Variants in WDR72 observed in about 807,000 individuals in gnomAD.
The protein encoded by WDR72 is WD repeat domain 72, also known as WD repeat-containing protein 72.
WDR72 carries 120 observed loss-of-function variants against 124.2 expected under a neutral mutation model. That is an observed-to-expected ratio of 0.97 (90% CI 0.83 to 1.12). WDR72 has a LOEUF of 1.12. WDR72 is among the 50% of genes most tolerant of loss of function. The pLI, the probability that WDR72 is intolerant of heterozygous loss-of-function variation, is 0.00. For synonymous variants in WDR72, 452 were observed against 441.7 expected (o/e 1.02, Z -0.29); for missense variants, 1,387 against 1,278.8 (o/e 1.08, Z -1.29).
intron 15 of WDR72, among the ~76,000 whole-genome samples, chr15:53,614,204 C>T (rs1325620597): frequency 3.3e-5 from 5 of 151,966 alleles, no homozygotes; most frequent in African/African-American, 1.2e-4. Context: ...AGGAATCTTC[C>T]GAAACTGCCA....
Position 53,516,254 on chromosome 15 carries a change from C to T in WDR72, c.*1445G>A, listed in dbSNP as rs1891455273. Reference sequence around the variant, plus strand: ...AACAAAGAATGCACACTTTAATCTACTTTAAGGGAGTCACACTCATTTGAC... The same window carrying T: ...AACAAAGAATGCACACTTTAATCTATTTTAAGGGAGTCACACTCATTTGAC... On this transcript the variant is annotated 3_prime_UTR_variant, in exon 20 of 20. Transcript: ENST00000360509. 1 of 152,072 alleles carries T rather than the reference C, an allele frequency of 6.6e-6. No homozygotes were observed. Among genetic ancestry groups the T allele is most frequent in the African/African-American group, 2.4e-5 (1 of 41,446 alleles). The allele number at this position is 152,072 out of a possible 1,614,324, so 9.4% of individuals were successfully genotyped here.
chr15:53,661,286 A>G (rs2015600615), intron 14 of WDR72, among the ~76,000 whole-genome samples: 2 of 152,202 alleles, frequency 1.3e-5, no homozygotes, highest in African/African-American at 4.8e-5. Context: ...AAGACAGGAC[A>G]TCTGGTGAAG....
chr15:53,749,098 A>G (rs1282856586), intron 1 of WDR72, among the ~76,000 whole-genome samples: 1 of 152,160 alleles, frequency 6.6e-6, no homozygotes, highest in East Asian at 1.9e-4. Context: ...TTAGAGCTCG[A>G]AGCCAAAATT....
chr15:53,640,366 T>C (rs142175443), intron 14 of WDR72, among the ~76,000 whole-genome samples: 364 of 152,290 alleles, frequency 2.4e-3, no homozygotes, highest in Non-Finnish European at 3.7e-3. Flanking sequence ...TGGGTCCTGA[T>C]ATGCTTGGAT....
chr15:53,706,344 GTGTGTGTATATA>G (rs1273017102), intron 9 of WDR72, among the ~76,000 whole-genome samples: 78 of 46,044 alleles, frequency 1.7e-3, no homozygotes, highest in African/African-American at 7.5e-3. Context: ...GTGTGTGTGT[GTGTGTGTATATA>G]TATATATATA....
chr15:53,625,923 G>C (rs374505914), intron 14 of WDR72, among the ~76,000 whole-genome samples: 36 of 152,102 alleles, frequency 2.4e-4, no homozygotes, highest in African/African-American at 8.4e-4. Context: ...TTTTCTCCCT[G>C]ATTCAGAAAA....
chr15:53,712,981 A>T (rs1322872229), intron 6 of WDR72, 90 bp from the exon 7 acceptor site: 8 of 1,450,044 alleles, frequency 5.5e-6, no homozygotes, highest in Non-Finnish European at 7.6e-6. Context: ...TCTCAAGTAG[A>T]TCACACCATT....
chr15:53,593,220 T>C (rs886570951), intron 18 of WDR72, among the ~76,000 whole-genome samples: 2 of 152,050 alleles, frequency 1.3e-5, no homozygotes, highest in East Asian at 3.9e-4. Context: ...AGAAGCATGA[T>C]TTATGAGAAA....
In WDR72 at chr15:53,666,881, TG is replaced by T. The variant is rs2015797478; in HGVS notation, c.1766-1114del. On this transcript the variant is annotated intron_variant, in intron 13 of 19. Transcript: ENST00000360509. ...TTATTACAACTAAACTACCATTAGC[TG>T]GCACTGTGGATTCTGAATCAGTAAC... Among the ~76,000 whole-genome samples, 8 of 152,340 alleles carry T rather than the reference TG, an allele frequency of 5.3e-5. No individual in the cohort carries two copies. The South Asian group carries it at 1.7e-3, about 32-fold the overall frequency.
intron 18 of WDR72, among the ~76,000 whole-genome samples, chr15:53,581,003 G>T (rs2011891393): frequency 6.6e-6 from 1 of 151,962 alleles, no homozygotes; most frequent in African/African-American, 2.4e-5. Flanking sequence ...AAATAATTGT[G>T]ATTAAAAATG....
intron 1 of WDR72, among the ~76,000 whole-genome samples, chr15:53,735,189 G>T (rs1484595454): frequency 1.3e-5 from 2 of 152,246 alleles, no homozygotes; most frequent in South Asian, 2.1e-4. Flanking sequence ...ACCTCGGGAG[G>T]CTGAGGTGGG....
At chr15:53,742,623 T>C (rs2018539184) in intron 1 of WDR72, among the ~76,000 whole-genome samples, 1 of 151,998 alleles carries the variant, frequency 6.6e-6, no homozygotes, top group African/African-American at 2.4e-5. Context: ...GAAAGAAATA[T>C]AGCATTACTT....
At chr15:53,523,192 CTT>C in intron 19 of WDR72, 24 bp downstream of exon 19, 2 of 1,603,902 alleles carry the variant, frequency 1.2e-6, no homozygotes, top group Non-Finnish European at 1.7e-6. Context: ...TCATTTTATA[CTT>C]GACTATTTTT....
chr15:53,758,902 A>G (rs1178219051), intron 1 of WDR72, among the ~76,000 whole-genome samples: 1 of 152,078 alleles, frequency 6.6e-6, no homozygotes, highest in African/African-American at 2.4e-5. Context: ...GGTATAAGTC[A>G]GCACCAGTTT....
At chr15:53,549,205 C>G (rs1182352978) in intron 18 of WDR72, among the ~76,000 whole-genome samples, 1 of 152,124 alleles carries the variant, frequency 6.6e-6, no homozygotes, top group Non-Finnish European at 1.5e-5. Context: ...GGTTTGTGCC[C>G]TAACAGATCT....
At chr15:53,699,699 C>T in intron 13 of WDR72, 51 bp downstream of exon 13, 2 of 1,588,938 alleles carry the variant, frequency 1.3e-6, no homozygotes, top group Non-Finnish European at 1.7e-6. Context: ...TGGTCAAATG[C>T]TTGTACATCA....
chr15:53,632,791 G>A (rs574781419), intron 14 of WDR72, among the ~76,000 whole-genome samples: 1 of 152,336 alleles, frequency 6.6e-6, no homozygotes, highest in East Asian at 1.9e-4. Flanking sequence ...TGCCTTGCTG[G>A]GTTTCAGACT....
At chr15:53,759,156 A>C (rs1331385922) in intron 1 of WDR72, 1 of 152,100 alleles carries the variant, frequency 6.6e-6, no homozygotes, top group Non-Finnish European at 1.5e-5. Context: ...CTGCCCTTGA[A>C]CTCAGCTTTA....
chr15:53,615,480 A>C lies in WDR72; in HGVS notation c.2726T>G (p.Phe909Cys), dbSNP rs1247605417. The change falls in exon 15 of 20, where the codon TTT becomes TGT. Residue 909 changes from phenylalanine to cysteine, a missense_variant. Physicochemically the swap from Phe to Cys is radical, Grantham distance 205. Transcript: ENST00000360509. ...DTIVYLLSRL[F>C]LVNKLVNMPL... Reference sequence around the variant, plus strand: ...CATGTTAACTAATTTATTAACTAAAAATAGTCTGCTCAACAAATAAACTAT... The same window carrying C: ...CATGTTAACTAATTTATTAACTAAACATAGTCTGCTCAACAAATAAACTAT... The C allele has an allele frequency of 6.2e-7, 1 of 1,612,302 alleles. No homozygotes were observed. The highest frequency in any genetic ancestry group is 1.3e-5 in the African/African-American group (1 of 74,848).
Sources: allele counts gnomAD v4.1 joint callset (sites outside exome capture counted in the v4.1 genomes callset), GRCh38; gene constraint gnomAD v4.1.1; transcripts MANE v1.5; gene names NCBI Gene and HGNC (gene_info 2026-07-23, HGNC 2026-07-21).